The following PRR16 variants were observed in gnomAD, a reference collection of about 807,000 sequenced individuals.
PRR16 encodes protein Largen.
A neutral mutation model predicts 18.2 loss-of-function variants in PRR16; 6 were observed. The observed-to-expected ratio is 0.33, with a 90% CI of 0.18 to 0.65. PRR16 has a LOEUF of 0.65. Among genes scored for constraint, PRR16 ranks in the 30% least tolerant of loss-of-function variants. The pLI is 0.74. For missense variants in PRR16, 412 were observed against 376.6 expected, an observed-to-expected ratio of 1.09 and a Z score of -0.78; for synonymous variants, 151 against 147.8, an observed-to-expected ratio of 1.02 and a Z score of -0.16.
At chr5:120,537,765 T>C (rs967062418) in intron 1 of PRR16, among the ~76,000 whole-genome samples, 1 of 141,980 alleles carries the variant, frequency 7.0e-6, no homozygotes, top group African/African-American at 2.6e-5. Flanking sequence ...TTGGAATTTT[T>C]AATGTTTTTT....
rs563790546 is a variant in PRR16, at chr5:120,487,597, G to C, written c.159+22952G>C. ...ATACAATCATGTCATCTGCAAACAG[G>C]GACAATTTGACTTCCTCTTTTCCTA... On this transcript the variant is annotated intron_variant, in intron 1 of 1. Transcript: ENST00000407149. 8.2e-4 allele frequency among the ~76,000 whole-genome samples: 125 copies of C among 152,130 alleles called. 1 individual carries two copies. The highest frequency in any genetic ancestry group is 2.7e-3 in the African/African-American group (113 of 41,502).
At chr5:120,612,156 C>T (rs1178944653) in intron 1 of PRR16, among the ~76,000 whole-genome samples, 1 of 152,170 alleles carries the variant, frequency 6.6e-6, no homozygotes, top group Non-Finnish European at 1.5e-5. Context: ...TTACCCAATA[C>T]CTGTACCTCC....
chr5:120,782,161 A>ACTT, the PRR16 span, among the ~76,000 whole-genome samples: 4 of 152,166 alleles, frequency 2.6e-5, no homozygotes, highest in Non-Finnish European at 5.9e-5. Flanking sequence ...GTTATTTTGG[A>ACTT]CTTTAATGTA....
chr5:120,532,101 A>G (rs1751570291), intron 1 of PRR16, among the ~76,000 whole-genome samples: 1 of 152,154 alleles, frequency 6.6e-6, no homozygotes, highest in African/African-American at 2.4e-5. Flanking sequence ...AATTTATATG[A>G]TGATTGTACA....
At chr5:120,744,547 GCCAGATAAGA>G in the PRR16 span, among the ~76,000 whole-genome samples, 1 of 152,166 alleles carries the variant, frequency 6.6e-6, no homozygotes, top group Admixed American at 6.5e-5. Flanking sequence ...ATAGAGGACA[GCCAGATAAGA>G]CTGGCCCAGC....
At chr5:120,776,083 G>GAGCA in the PRR16 span, among the ~76,000 whole-genome samples, 2 of 151,992 alleles carry the variant, frequency 1.3e-5, no homozygotes, top group South Asian at 4.1e-4. Flanking sequence ...CTCCCTCTGG[G>GAGCA]GCCTTGTCTC....
At chr5:120,485,368 A>C (rs953944559) in intron 1 of PRR16, among the ~76,000 whole-genome samples, 5 of 152,198 alleles carry the variant, frequency 3.3e-5, no homozygotes, top group Non-Finnish European at 4.4e-5. Flanking sequence ...TATTAATGAA[A>C]TATTATAAAA....
At chr5:120,750,107 G>A in the PRR16 span, among the ~76,000 whole-genome samples, 2 of 152,218 alleles carry the variant, frequency 1.3e-5, no homozygotes, top group Admixed American at 1.3e-4. Flanking sequence ...AAAACATTCA[G>A]CAGTATGGTT....
chr5:120,747,574 TTAAC>T, the PRR16 span, among the ~76,000 whole-genome samples: 4 of 152,158 alleles, frequency 2.6e-5, no homozygotes, highest in African/African-American at 4.8e-5. Flanking sequence ...ACATTGTGTG[TTAAC>T]TAAGAAAGCT....
rs1422158915 is a variant in PRR16, at chr5:120,687,071, T to C, written c.*362T>C. ...TCATCTATGCATTAACATGTCATAT[T>C]CTTAACTTTGATCTAATGCTTTTTA... On this transcript the variant is annotated 3_prime_UTR_variant, in exon 2 of 2. Coordinates refer to ENST00000407149, the MANE Select transcript of PRR16 (RefSeq NM_001300783.2). The C allele has an allele frequency of 6.2e-6, 1 of 161,754 alleles. No homozygotes were observed. The highest frequency in any genetic ancestry group is 1.3e-5 in the Non-Finnish European group (1 of 74,546). The allele number at this position is 161,754 out of a possible 1,614,324, so 10.0% of individuals were successfully genotyped here.
At chr5:120,792,048 C>T in the PRR16 span, among the ~76,000 whole-genome samples, 1 of 152,092 alleles carries the variant, frequency 6.6e-6, no homozygotes, top group African/African-American at 2.4e-5. Flanking sequence ...TGAAGCAATC[C>T]ATGCTGATTG....
the PRR16 span, among the ~76,000 whole-genome samples, chr5:120,755,226 A>T: frequency 1.3e-5 from 2 of 152,084 alleles, no homozygotes; most frequent in East Asian, 1.9e-4. Flanking sequence ...AAAAAAATAA[A>T]AAATAATAAT....
chr5:120,645,278 A>G (rs1396967458), intron 1 of PRR16, among the ~76,000 whole-genome samples: 1 of 151,894 alleles, frequency 6.6e-6, no homozygotes, highest in East Asian at 1.9e-4. Flanking sequence ...TGGAGCTGAG[A>G]CTTTAAGGCT....
At chr5:120,736,385 C>G in the PRR16 span, among the ~76,000 whole-genome samples, 3 of 152,028 alleles carry the variant, frequency 2.0e-5, no homozygotes, top group African/African-American at 7.2e-5. Flanking sequence ...CTGAGTCAGC[C>G]TCCCGAGTAG....
chr5:120,729,501 G>C, the PRR16 span, among the ~76,000 whole-genome samples: 1 of 152,098 alleles, frequency 6.6e-6, no homozygotes, highest in Non-Finnish European at 1.5e-5. Flanking sequence ...GGCCAACATG[G>C]CGCTAATAAA....
intron 1 of PRR16, among the ~76,000 whole-genome samples, chr5:120,632,896 T>C (rs1755105249): frequency 6.6e-6 from 1 of 152,178 alleles, no homozygotes; most frequent in Non-Finnish European, 1.5e-5. Context: ...GGGAAATTCA[T>C]TGTAAAAAGA....
At chr5:120,777,596 T>G in the PRR16 span, among the ~76,000 whole-genome samples, 1 of 152,070 alleles carries the variant, frequency 6.6e-6, no homozygotes, top group Non-Finnish European at 1.5e-5. Context: ...AAATCTACAC[T>G]TGTCAGATGA....
chr5:120,507,912 A>C (rs1223700486), intron 1 of PRR16, among the ~76,000 whole-genome samples: 1 of 152,124 alleles, frequency 6.6e-6, no homozygotes, highest in Non-Finnish European at 1.5e-5. Context: ...GTGCATTTAT[A>C]ACAAGGGCAG....
intron 1 of PRR16, among the ~76,000 whole-genome samples, chr5:120,652,702 C>G (rs1402611951): frequency 6.6e-6 from 1 of 151,664 alleles, no homozygotes; most frequent in Admixed American, 6.6e-5. Flanking sequence ...TTGAGAGAGC[C>G]TAAGGAGACA....
Sources: gnomAD v4.1 joint callset for allele counts (sites outside exome capture counted in the v4.1 genomes callset) on GRCh38, gnomAD v4.1.1 for gene constraint, MANE v1.5 for transcripts, NCBI Gene and HGNC (gene_info 2026-07-23, HGNC 2026-07-21) for gene names.